RUNX2: variants seen among roughly 807,000 people sequenced by gnomAD.
RUNX2 encodes the protein runt-related transcription factor 2.
A neutral mutation model predicts 51.7 loss-of-function variants in RUNX2; 10 were observed. That is an observed-to-expected ratio of 0.19 (90% CI 0.12 to 0.33). The LOEUF (loss-of-function observed/expected upper bound fraction) is 0.33, where lower values mean the gene tolerates loss of function less well. Among genes scored for constraint, RUNX2 ranks in the 10% least tolerant of loss-of-function variants. The pLI, the probability that RUNX2 is intolerant of heterozygous loss-of-function variation, is 1.00. For missense variants in RUNX2, 562 were observed against 691.3 expected (o/e 0.81, Z 2.10); for synonymous variants, 276 against 273.6 (o/e 1.01, Z -0.09).
chr6:45,423,040 C>A, intron 3 of RUNX2, 83 bp downstream of exon 3: 1 of 1,538,044 alleles, frequency 6.5e-7, no homozygotes, highest in Non-Finnish European at 8.8e-7. Context: ...GGGGCTGGGC[C>A]CCGGACGTCC....
chr6:45,409,864 A>G (rs1055372470), intron 2 of RUNX2, among the ~76,000 whole-genome samples: 1 of 152,220 alleles, frequency 6.6e-6, no homozygotes, highest in Non-Finnish European at 1.5e-5. Context: ...CCTGTTCTCA[A>G]GGAACTTACA....
At chr6:45,374,692 C>G (rs1462143779) in intron 2 of RUNX2, among the ~76,000 whole-genome samples, 1 of 152,098 alleles carries the variant, frequency 6.6e-6, no homozygotes, top group Admixed American at 6.5e-5. Context: ...AACACAAATA[C>G]TCAATCACCT....
At chr6:45,461,101 G>C (rs1459939523) in intron 5 of RUNX2, among the ~76,000 whole-genome samples, 1 of 152,202 alleles carries the variant, frequency 6.6e-6, no homozygotes, top group Non-Finnish European at 1.5e-5. Flanking sequence ...AGTAAGAACA[G>C]CTGGTTTGGA....
chr6:45,529,134 A>T (rs977785493), intron 7 of RUNX2, among the ~76,000 whole-genome samples: 9 of 152,236 alleles, frequency 5.9e-5, no homozygotes, highest in African/African-American at 2.2e-4. Flanking sequence ...TCTTATGCAG[A>T]TATGAACACT....
intron 5 of RUNX2, among the ~76,000 whole-genome samples, chr6:45,456,563 A>C (rs900712000): frequency 6.6e-6 from 1 of 152,070 alleles, no homozygotes; most frequent in Non-Finnish European, 1.5e-5. Flanking sequence ...TGCTCACAAG[A>C]TGTTTGGTAT....
intron 2 of RUNX2, among the ~76,000 whole-genome samples, chr6:45,412,663 T>C (rs1370415513): frequency 6.6e-6 from 1 of 151,258 alleles, no homozygotes; most frequent in African/African-American, 2.4e-5. Flanking sequence ...AAAAAAACAG[T>C]TTTTTTCCTA....
chr6:45,400,764 T>C (rs1320286949), intron 2 of RUNX2, among the ~76,000 whole-genome samples: 1 of 152,214 alleles, frequency 6.6e-6, no homozygotes, highest in East Asian at 1.9e-4. Context: ...CTCTGTGTGG[T>C]GAGCTTTACC....
chr6:45,528,346 C>T (rs758107088), intron 7 of RUNX2, among the ~76,000 whole-genome samples: 8 of 152,122 alleles, frequency 5.3e-5, no homozygotes, highest in South Asian at 2.1e-4. Context: ...TTAGGTCAGG[C>T]GCGGTGGCTC....
chr6:45,408,016 A>C (rs949235029), intron 2 of RUNX2, among the ~76,000 whole-genome samples: 1 of 152,216 alleles, frequency 6.6e-6, no homozygotes, highest in East Asian at 1.9e-4. Context: ...ATGAAAGAAC[A>C]TAACTACATT....
At chr6:45,531,028 A>G (rs1801824657) in intron 7 of RUNX2, among the ~76,000 whole-genome samples, 1 of 152,236 alleles carries the variant, frequency 6.6e-6, no homozygotes, top group Non-Finnish European at 1.5e-5. Context: ...CAATACTACT[A>G]TACTCAGTAG....
At chr6:45,524,558 T>G (rs1204521842) in intron 7 of RUNX2, among the ~76,000 whole-genome samples, 1 of 152,194 alleles carries the variant, frequency 6.6e-6, no homozygotes, top group Non-Finnish European at 1.5e-5. Context: ...TAATGATGGT[T>G]ACAAACACAC....
intron 3 of RUNX2, among the ~76,000 whole-genome samples, chr6:45,431,280 G>A (rs78417039): frequency 0.08 from 12,148 of 152,092 alleles, 714 homozygotes; most frequent in South Asian, 0.18. Flanking sequence ...GGGTCCCACC[G>A]CAGTGTGGTT....
chr6:45,367,778 T>C (rs1043190589), intron 2 of RUNX2, among the ~76,000 whole-genome samples: 3 of 152,192 alleles, frequency 2.0e-5, no homozygotes, highest in Admixed American at 6.6e-5. Context: ...TGCTCCTTTT[T>C]CATTTTCAAA....
At chr6:45,503,965 G>A (rs1307879101) in intron 6 of RUNX2, among the ~76,000 whole-genome samples, 2 of 152,098 alleles carry the variant, frequency 1.3e-5, no homozygotes, top group Non-Finnish European at 2.9e-5. Flanking sequence ...TGTTTGTGTT[G>A]TAATATAACC....
intron 5 of RUNX2, among the ~76,000 whole-genome samples, chr6:45,443,869 T>C (rs1798910998): frequency 6.6e-6 from 1 of 152,176 alleles, no homozygotes; most frequent in South Asian, 2.1e-4. Flanking sequence ...AGAGGTTTTT[T>C]TTCAATTTTT....
At chr6:45,510,896 C>G (rs1563117660) in intron 6 of RUNX2, among the ~76,000 whole-genome samples, 1 of 152,054 alleles carries the variant, frequency 6.6e-6, no homozygotes, top group Non-Finnish European at 1.5e-5. Flanking sequence ...GATGAGGAAA[C>G]TGAGGCTCAG....
chr6:45,473,248 C>G (rs774951355), intron 5 of RUNX2, among the ~76,000 whole-genome samples: 1 of 152,138 alleles, frequency 6.6e-6, no homozygotes, highest in Non-Finnish European at 1.5e-5. Context: ...CCCACACCCC[C>G]CAGCTCCACC....
chr6:45,385,774 C>T (rs946272324), intron 2 of RUNX2, among the ~76,000 whole-genome samples: 17 of 152,120 alleles, frequency 1.1e-4, no homozygotes, highest in African/African-American at 3.9e-4. Context: ...GTTGTGCATG[C>T]CTGTAATCCC....
chr6:45,547,500 G>C lies in RUNX2; in HGVS notation c.*195G>C. 1 of 602,982 alleles carries C rather than the reference G, an allele frequency of 1.7e-6. No individual in the cohort carries two copies. Among genetic ancestry groups the C allele is most frequent in the Non-Finnish European group, 2.9e-6 (1 of 339,472 alleles). 37.4% of individuals were successfully genotyped at this position (602,982 alleles called of 1,614,324 possible). A position where few individuals can be genotyped will look rare whatever the true frequency, so the allele number is the denominator to read the frequency against. On this transcript the variant is annotated 3_prime_UTR_variant, in exon 9 of 9. Coordinates refer to ENST00000647337, the MANE Select transcript of RUNX2 (RefSeq NM_001024630.4). ...GAGGGTAGATATTGAGAAGCAGAAG[G>C]CTCAAGAGAGACAATTGCAATCGAG...
Sources: allele counts gnomAD v4.1 joint callset (sites outside exome capture counted in the v4.1 genomes callset), GRCh38; gene constraint gnomAD v4.1.1; transcripts MANE v1.5; gene names NCBI Gene and HGNC (gene_info 2026-07-23, HGNC 2026-07-21).